The following DEPTOR variants were observed in gnomAD, a reference collection of about 807,000 sequenced individuals.
DEPTOR encodes DEP domain containing MTOR interacting protein, also known as DEP domain-containing mTOR-interacting protein.
A neutral mutation model predicts 41.6 loss-of-function variants in DEPTOR; 41 were observed. The observed-to-expected ratio is 0.98, with a 90% CI of 0.77 to 1.28. DEPTOR has a LOEUF of 1.28. DEPTOR is among the 50% of genes most tolerant of loss of function. The pLI is 0.00. For synonymous variants in DEPTOR, 195 were observed against 192.3 expected (o/e 1.01, Z -0.12); for missense variants, 514 against 527.9 (o/e 0.97, Z 0.26).
intron 8 of DEPTOR, among the ~76,000 whole-genome samples, chr8:120,025,893 C>G (rs1037078903): frequency 3.9e-5 from 6 of 151,948 alleles, no homozygotes; most frequent in Non-Finnish European, 7.4e-5. Context: ...TTGGCCCAAA[C>G]GGTCCTACCT....
chr8:120,002,635 G>T (rs945843867), intron 5 of DEPTOR, among the ~76,000 whole-genome samples: 1 of 150,204 alleles, frequency 6.7e-6, no homozygotes. Flanking sequence ...AAATTTAGCC[G>T]GGCGTGGTGG....
intron 8 of DEPTOR, among the ~76,000 whole-genome samples, chr8:120,011,696 T>G (rs1476667025): frequency 6.6e-6 from 1 of 152,230 alleles, no homozygotes; most frequent in Non-Finnish European, 1.5e-5. Context: ...TTAATTGATT[T>G]AGTTTATCTT....
intron 3 of DEPTOR, among the ~76,000 whole-genome samples, chr8:119,946,560 C>T (rs993781596): frequency 1.3e-5 from 2 of 151,562 alleles, no homozygotes; most frequent in African/African-American, 4.9e-5. Flanking sequence ...CATGCTGAAA[C>T]CCCATGTCTA....
At chr8:120,014,626 C>G (rs1484351803) in intron 8 of DEPTOR, among the ~76,000 whole-genome samples, 3 of 151,942 alleles carry the variant, frequency 2.0e-5, no homozygotes, top group African/African-American at 7.3e-5. Flanking sequence ...CTCCCGGGTT[C>G]AAGCGATTCT....
intron 3 of DEPTOR, among the ~76,000 whole-genome samples, chr8:119,934,020 C>T (rs1828078476): frequency 6.6e-6 from 1 of 152,160 alleles, no homozygotes; most frequent in Admixed American, 6.5e-5. Context: ...GCTGGGACTA[C>T]AGGCGTGTGC....
At chr8:119,951,968 C>A (rs1828358801) in intron 3 of DEPTOR, among the ~76,000 whole-genome samples, 2 of 152,076 alleles carry the variant, frequency 1.3e-5, no homozygotes, top group African/African-American at 2.4e-5. Context: ...AAAACCCTGT[C>A]TACTAAAAAT....
intron 1 of DEPTOR, among the ~76,000 whole-genome samples, chr8:119,909,956 C>T (rs1827715981): frequency 1.3e-5 from 2 of 152,220 alleles, no homozygotes; most frequent in African/African-American, 4.8e-5. Flanking sequence ...TCTGGAGCTA[C>T]CACCTAAAGT....
chr8:119,890,627 G>A (rs1032593641), intron 1 of DEPTOR, among the ~76,000 whole-genome samples: 3 of 152,016 alleles, frequency 2.0e-5, no homozygotes, highest in Admixed American at 6.6e-5. Flanking sequence ...GAAGAAATGC[G>A]ACAATTCAGT....
chr8:120,002,932 G>A (rs1041737394), intron 5 of DEPTOR, 45 bp from the exon 6 acceptor site: 37 of 1,541,120 alleles, frequency 2.4e-5, no homozygotes, highest in Non-Finnish European at 2.8e-5. Context: ...CTAGTGAGCC[G>A]AGACCACCCC....
Position 120,049,296 on chromosome 8 carries a change from C to G in DEPTOR, c.1102-280C>G, listed in dbSNP as rs866038804. On this transcript the variant is annotated intron_variant, in intron 8 of 8. Coordinates refer to ENST00000286234, the MANE Select transcript of DEPTOR (RefSeq NM_022783.4). Reference sequence around the variant, plus strand: ...GAAATAAAGCTCAGAAATTTAAATACCTAGCTAGTATTTAAATACTAGCTA... The same window carrying G: ...GAAATAAAGCTCAGAAATTTAAATAGCTAGCTAGTATTTAAATACTAGCTA... 2.0e-5 allele frequency among the ~76,000 whole-genome samples: 3 copies of G among 151,778 alleles called. No individual in the cohort carries two copies. In the South Asian group the frequency reaches 6.3e-4, roughly 32 times the overall value.
chr8:119,910,134 T>A (rs1471501989), intron 1 of DEPTOR, among the ~76,000 whole-genome samples: 1 of 152,248 alleles, frequency 6.6e-6, no homozygotes, highest in Non-Finnish European at 1.5e-5. Context: ...TACAGGCATA[T>A]ACCAAGAGTA....
chr8:119,876,274 T>G (rs539520798), intron 1 of DEPTOR, among the ~76,000 whole-genome samples: 1 of 152,324 alleles, frequency 6.6e-6, no homozygotes, highest in South Asian at 2.1e-4. Context: ...TCCACCATTA[T>G]GTAGGCAAGT....
In DEPTOR at chr8:120,049,744, G is replaced by A; in HGVS notation, c.*40G>A. 6.2e-7 allele frequency: 1 copy of A among 1,609,982 alleles called. No individual in the cohort carries two copies. Among genetic ancestry groups the A allele is most frequent in the Non-Finnish European group, 8.5e-7 (1 of 1,177,808 alleles). ...CAGCCCTCCAGTGGCCTGTGGGTGA[G>A]GGAAGCCAGAATGACACAAAGCAAT... On this transcript the variant is annotated 3_prime_UTR_variant, in exon 9 of 9. Coordinates refer to ENST00000286234, the MANE Select transcript of DEPTOR (RefSeq NM_022783.4).
At chr8:119,950,883 C>CGACAG (rs1452767395) in intron 3 of DEPTOR, among the ~76,000 whole-genome samples, 1 of 152,142 alleles carries the variant, frequency 6.6e-6, no homozygotes, top group Non-Finnish European at 1.5e-5. Flanking sequence ...CAGGCATGAG[C>CGACAG]GACAGCACCC....
chr8:120,043,464 C>G (rs991093685), intron 8 of DEPTOR, among the ~76,000 whole-genome samples: 1 of 152,076 alleles, frequency 6.6e-6, no homozygotes, highest in Non-Finnish European at 1.5e-5. Context: ...TCTTAAGAAG[C>G]TGAAAGAAGC....
At chr8:120,007,228 G>A (rs1017892415) in intron 7 of DEPTOR, among the ~76,000 whole-genome samples, 3 of 151,838 alleles carry the variant, frequency 2.0e-5, no homozygotes, top group African/African-American at 7.3e-5. Flanking sequence ...CCCACCATTA[G>A]TCATTTAAAT....
intron 4 of DEPTOR, among the ~76,000 whole-genome samples, chr8:119,979,873 G>A (rs897469760): frequency 4.4e-4 from 67 of 152,122 alleles, no homozygotes; most frequent in African/African-American, 1.6e-3. Flanking sequence ...CTCTTAAGTG[G>A]GAACAAAATG....
chr8:120,015,654 GA>G (rs1227799357), intron 8 of DEPTOR, among the ~76,000 whole-genome samples: 1 of 152,196 alleles, frequency 6.6e-6, no homozygotes, highest in Non-Finnish European at 1.5e-5. Context: ...TAATAGGCAA[GA>G]AAGATGGGAG....
chr8:119,977,047 C>T (rs1828703840), intron 4 of DEPTOR, among the ~76,000 whole-genome samples: 1 of 152,176 alleles, frequency 6.6e-6, no homozygotes, highest in South Asian at 2.1e-4. Flanking sequence ...GTTACCCAGG[C>T]TGGAGTGCAG....
Sources: allele counts gnomAD v4.1 joint callset (sites outside exome capture counted in the v4.1 genomes callset), GRCh38; gene constraint gnomAD v4.1.1; transcripts MANE v1.5; gene names NCBI Gene and HGNC (gene_info 2026-07-23, HGNC 2026-07-21).